The following PRKG1 variants were observed in gnomAD, a reference collection of about 807,000 sequenced individuals.
The protein encoded by PRKG1 is cGMP-dependent protein kinase 1.
PRKG1 carries 35 observed loss-of-function variants against 88.1 expected under a neutral mutation model. That is an observed-to-expected ratio of 0.40 (90% CI 0.30 to 0.53). The LOEUF (loss-of-function observed/expected upper bound fraction) is 0.53, where lower values mean the gene tolerates loss of function less well. Among genes scored for constraint, PRKG1 ranks in the 20% least tolerant of loss-of-function variants. The pLI is 0.59. For synonymous variants in PRKG1, 303 were observed against 292.5 expected (o/e 1.04, Z -0.37); for missense variants, 540 against 839.8 (o/e 0.64, Z 4.41).
chr10:52,037,378 G>A (rs1313661282), intron 5 of PRKG1, among the ~76,000 whole-genome samples: 2 of 152,330 alleles, frequency 1.3e-5, no homozygotes, highest in Non-Finnish European at 2.9e-5. Flanking sequence ...CCTTGAAGGC[G>A]AGGTTAATTA....
At chr10:51,713,532 A>T (rs1841811326) in intron 3 of PRKG1, among the ~76,000 whole-genome samples, 1 of 152,230 alleles carries the variant, frequency 6.6e-6, no homozygotes. Context: ...CAGAAGAGGT[A>T]GCTATTAATT....
At chr10:51,324,941 T>C (rs1476257840) in intron 2 of PRKG1, among the ~76,000 whole-genome samples, 1 of 152,202 alleles carries the variant, frequency 6.6e-6, no homozygotes, top group Admixed American at 6.5e-5. Context: ...TTTTAGGCTT[T>C]TGAGGAATCG....
At chr10:51,874,982 C>T (rs1446120847) in intron 4 of PRKG1, among the ~76,000 whole-genome samples, 1 of 152,190 alleles carries the variant, frequency 6.6e-6, no homozygotes, top group South Asian at 2.1e-4. Flanking sequence ...TCTCTGCTCT[C>T]ATAAGCCACT....
At chr10:52,038,004 C>A (rs1188999369) in intron 5 of PRKG1, among the ~76,000 whole-genome samples, 1 of 152,090 alleles carries the variant, frequency 6.6e-6, no homozygotes, top group African/African-American at 2.4e-5. Context: ...CGTCAGGCAC[C>A]TCAGACCATT....
At chr10:51,023,572 A>G (rs1390726397) in intron 1 of PRKG1, among the ~76,000 whole-genome samples, 1 of 152,234 alleles carries the variant, frequency 6.6e-6, no homozygotes, top group Non-Finnish European at 1.5e-5. Flanking sequence ...TTCTCTTTTT[A>G]CCAGGTAGAT....
intron 3 of PRKG1, among the ~76,000 whole-genome samples, chr10:51,592,033 TG>T (rs1477306922): frequency 2.6e-5 from 4 of 152,188 alleles, no homozygotes; most frequent in Non-Finnish European, 5.9e-5. Flanking sequence ...TAGTATAGTG[TG>T]AGCTGCTGGA....
chr10:52,293,196 A>G (rs930936777), intron 17 of PRKG1, among the ~76,000 whole-genome samples: 9 of 150,960 alleles, frequency 6.0e-5, no homozygotes, highest in African/African-American at 1.7e-4. Context: ...TAGGAATCCA[A>G]CTTCCAAGGG....
chr10:51,669,068 T>G (rs1381453149), intron 3 of PRKG1, among the ~76,000 whole-genome samples: 1 of 152,250 alleles, frequency 6.6e-6, no homozygotes, highest in Non-Finnish European at 1.5e-5. Flanking sequence ...AAAATAAAAC[T>G]GTAATTGTGT....
intron 1 of PRKG1, among the ~76,000 whole-genome samples, chr10:51,031,974 T>G (rs1018139600): frequency 2.0e-5 from 3 of 152,218 alleles, no homozygotes; most frequent in Non-Finnish European, 4.4e-5. Context: ...ATCATTTATA[T>G]GAAGCATATT....
chr10:52,013,575 G>C (rs1177470832), intron 5 of PRKG1, among the ~76,000 whole-genome samples: 1 of 152,208 alleles, frequency 6.6e-6, no homozygotes, highest in African/African-American at 2.4e-5. Flanking sequence ...TATAGGTACA[G>C]CATAAGCAAA....
At chr10:52,217,943 G>A (rs148059314) in intron 9 of PRKG1, among the ~76,000 whole-genome samples, 1 of 152,082 alleles carries the variant, frequency 6.6e-6, no homozygotes, top group Admixed American at 6.5e-5. Flanking sequence ...GCTGGGAGCC[G>A]TGGCTCACAC....
intron 4 of PRKG1, among the ~76,000 whole-genome samples, chr10:51,819,338 A>C (rs1287285975): frequency 6.6e-6 from 1 of 152,042 alleles, no homozygotes; most frequent in Non-Finnish European, 1.5e-5. Flanking sequence ...GCATTAATCT[A>C]TTCATAAGGG....
At chr10:51,780,501 A>C (rs1460206811) in intron 3 of PRKG1, among the ~76,000 whole-genome samples, 1 of 152,200 alleles carries the variant, frequency 6.6e-6, no homozygotes, top group Non-Finnish European at 1.5e-5. Context: ...TTTAAAATAC[A>C]TGCTCATGTA....
At chr10:51,302,560 T>G (rs1263310462) in intron 2 of PRKG1, 22 of 151,570 alleles carry the variant, frequency 1.5e-4, no homozygotes, top group African/African-American at 5.1e-4. Flanking sequence ...ACATCACTTT[T>G]TTTTTTTTTT....
intron 2 of PRKG1, among the ~76,000 whole-genome samples, chr10:51,270,839 A>G (rs1839961031): frequency 6.6e-6 from 1 of 152,164 alleles, no homozygotes; most frequent in South Asian, 2.1e-4. Context: ...GGAAAATATA[A>G]GGGAATCTAG....
chr10:51,040,772 T>G (rs943953536), intron 1 of PRKG1, among the ~76,000 whole-genome samples: 2 of 152,214 alleles, frequency 1.3e-5, no homozygotes, highest in Non-Finnish European at 2.9e-5. Flanking sequence ...TGTTGGCATA[T>G]AGAAATGCTA....
chr10:51,840,732 G>C (rs1210939991), intron 4 of PRKG1, among the ~76,000 whole-genome samples: 1 of 152,046 alleles, frequency 6.6e-6, no homozygotes, highest in Non-Finnish European at 1.5e-5. Context: ...TCTTAGCAGA[G>C]ACGGGGTTTT....
At position 51,167,782 on chromosome 10, in the gene PRKG1, G is replaced by C. The variant is rs73335838; in HGVS notation, c.478+14452G>C. ...AGTGAATGGTGGTACCATTTTCTGA[G>C]ATGGAAAAAAGTGAGATACTTCATC... On this transcript the variant is annotated intron_variant, in intron 2 of 17. Coordinates refer to ENST00000373980, the MANE Select transcript of PRKG1 (RefSeq NM_006258.4). 4.9e-3 allele frequency among the ~76,000 whole-genome samples: 740 copies of C among 152,220 alleles called. 10 individuals carry two copies. Among genetic ancestry groups the C allele is most frequent in the African/African-American group, 0.017 (696 of 41,554 alleles).
At chr10:52,070,098 A>G (rs1846459200) in intron 7 of PRKG1, among the ~76,000 whole-genome samples, 1 of 152,216 alleles carries the variant, frequency 6.6e-6, no homozygotes, top group Non-Finnish European at 1.5e-5. Context: ...ACTGGTCCCC[A>G]AATATTAATC....
Sources: gnomAD v4.1 joint callset for allele counts (sites outside exome capture counted in the v4.1 genomes callset) on GRCh38, gnomAD v4.1.1 for gene constraint, MANE v1.5 for transcripts, NCBI Gene and HGNC (gene_info 2026-07-23, HGNC 2026-07-21) for gene names.